NBDY: variants seen among roughly 807,000 people sequenced by gnomAD.
The protein encoded by NBDY is negative regulator of P-body association, also known as P-body dissociating protein.
intron 2 of NBDY, among the ~76,000 whole-genome samples, chrX:56,804,932 A>G (rs1361443102): frequency 3.6e-5 from 4 of 112,079 alleles, no homozygotes; most frequent in African/African-American, 1.3e-4. Context: ...GAATATTGCA[A>G]ATGTTTTCTT....
At chrX:56,764,702 C>CAAAAAAAAAAAAAA (rs10623590) in intron 2 of NBDY, among the ~76,000 whole-genome samples, 6 of 60,796 alleles carry the variant, frequency 9.9e-5, no homozygotes, top group African/African-American at 1.7e-4. Flanking sequence ...AAACAAACAC[C>CAAAAAAAAAAAAAA]AAAAAAAAAA....
Position 56,740,596 on chromosome X carries a change from A to G in NBDY, c.*166+8397A>G, listed in dbSNP as rs368710886. Among the ~76,000 whole-genome samples, 5 of 111,628 alleles carry G rather than the reference A, an allele frequency of 4.5e-5. No individual in the cohort carries two copies. In the East Asian group the frequency reaches 1.4e-3, roughly 31 times the overall value. ...TTGTCAAATTCTTACACTTTTGACA[A>G]TTTTTGCTTTGTATACTTGAGGCAT... On this transcript the variant is annotated intron_variant, in intron 2 of 2. Transcript: ENST00000374922.
chrX:56,765,401 A>G (rs886366939), intron 2 of NBDY, among the ~76,000 whole-genome samples: 4 of 112,450 alleles, frequency 3.6e-5, no homozygotes, highest in Non-Finnish European at 5.6e-5. Flanking sequence ...CTTCAGGGCA[A>G]GGTTCAGCCA....
chrX:56,766,453 C>T (rs760440666), intron 2 of NBDY, among the ~76,000 whole-genome samples: 59 of 111,790 alleles, frequency 5.3e-4, no homozygotes, highest in Non-Finnish European at 8.3e-4. Context: ...CAGACAAAAA[C>T]ACGCTTACAC....
intron 2 of NBDY, among the ~76,000 whole-genome samples, chrX:56,811,775 G>T (rs182567517): frequency 1.8e-5 from 2 of 111,608 alleles, no homozygotes; most frequent in Middle Eastern, 4.6e-3. Flanking sequence ...GGTTTTGTCT[G>T]GCTGGACTTC....
intron 2 of NBDY, among the ~76,000 whole-genome samples, chrX:56,789,418 A>G (rs1312422720): frequency 8.9e-6 from 1 of 112,048 alleles, no homozygotes; most frequent in African/African-American, 3.3e-5. Context: ...GTGGGCCTGC[A>G]TGCAGGCCAC....
chrX:56,785,319 G>C (rs1264866346), intron 2 of NBDY, among the ~76,000 whole-genome samples: 1 of 111,277 alleles, frequency 9.0e-6, no homozygotes, highest in Admixed American at 9.5e-5. Flanking sequence ...TGTGTCTTTG[G>C]GGTGGCATTG....
chrX:56,792,839 G>A (rs1159126722), intron 2 of NBDY, among the ~76,000 whole-genome samples: 3 of 111,589 alleles, frequency 2.7e-5, no homozygotes, highest in Non-Finnish European at 3.8e-5. Flanking sequence ...AATGTGGGAA[G>A]TCTGTTATCA....
intron 2 of NBDY, among the ~76,000 whole-genome samples, chrX:56,736,414 G>A (rs755572831): frequency 5.4e-5 from 6 of 111,455 alleles, no homozygotes; most frequent in South Asian, 3.8e-4. Flanking sequence ...ACCGGTGCCC[G>A]CCACCATGCC....
At chrX:56,793,101 A>T (rs1162789130) in intron 2 of NBDY, among the ~76,000 whole-genome samples, 1 of 111,844 alleles carries the variant, frequency 8.9e-6, no homozygotes, top group Non-Finnish European at 1.9e-5. Flanking sequence ...GTCCCCCGTG[A>T]GGGAGACTCC....
chrX:56,765,049 C>G (rs888350904), intron 2 of NBDY, among the ~76,000 whole-genome samples: 7 of 112,419 alleles, frequency 6.2e-5, no homozygotes, highest in Non-Finnish European at 1.3e-4. Context: ...GAGTTTTTCT[C>G]CCTTCACTTT....
Position 56,751,649 on chromosome X carries a change from GC to G in NBDY, c.*166+19451del, listed in dbSNP as rs781608166. On this transcript the variant is annotated intron_variant, in intron 2 of 2. Coordinates refer to ENST00000374922, the MANE Select transcript of NBDY (RefSeq NM_001348129.2). ...TAAAACACTTCCAATACCCTAGAAA[GC>G]ACATTTGTGTCCTTTTCAAGTTAAC... is the stretch of plus-strand genomic sequence containing the variant. Among the ~76,000 whole-genome samples the G allele has an allele frequency of 4.5e-5, 5 of 112,004 alleles. No individual in the cohort carries two copies. In the East Asian group the frequency reaches 1.4e-3, roughly 31 times the overall value.
intron 2 of NBDY, among the ~76,000 whole-genome samples, chrX:56,793,793 G>T (rs1490148232): frequency 9.0e-6 from 1 of 110,803 alleles, no homozygotes. Flanking sequence ...AGGGCAGTCA[G>T]GCCGGCTGTG....
At chrX:56,808,151 C>T (rs751953581) in intron 2 of NBDY, among the ~76,000 whole-genome samples, 147 of 112,100 alleles carry the variant, frequency 1.3e-3, no homozygotes, top group Non-Finnish European at 2.3e-3. Context: ...AGCCTTGCAT[C>T]CCAGGGATGA....
At chrX:56,739,442 G>T (rs2069520978) in intron 2 of NBDY, among the ~76,000 whole-genome samples, 1 of 106,079 alleles carries the variant, frequency 9.4e-6, no homozygotes, top group African/African-American at 3.4e-5. Context: ...GAAATAACAA[G>T]AGATTTGGGA....
At chrX:56,802,864 G>T (rs996754239) in intron 2 of NBDY, among the ~76,000 whole-genome samples, 1 of 112,791 alleles carries the variant, frequency 8.9e-6, no homozygotes, top group African/African-American at 3.2e-5. Flanking sequence ...GTCCTAGGTC[G>T]TAGGGTCCCT....
At chrX:56,789,466 C>A (rs2069749145) in intron 2 of NBDY, among the ~76,000 whole-genome samples, 1 of 112,367 alleles carries the variant, frequency 8.9e-6, no homozygotes, top group Non-Finnish European at 1.9e-5. Context: ...GTCCCCAAAG[C>A]AAGAGACCAG....
At position 56,764,702 on chromosome X, in the gene NBDY, C is replaced by CAAAAAAA. The variant is rs10623590; in HGVS notation, c.*166+32517_*166+32523dup. Among the ~76,000 whole-genome samples the CAAAAAAA allele has an allele frequency of 5.9e-4, 36 of 60,777 alleles. 2 individuals carry two copies. The East Asian group carries it at 1.0e-2, about 17-fold the overall frequency. The allele number at this position is 60,777 out of a possible 115,157, so 52.8% of individuals were successfully genotyped here. A position where few individuals can be genotyped will look rare whatever the true frequency, so the allele number is the denominator to read the frequency against. On this transcript the variant is annotated intron_variant, in intron 2 of 2. Coordinates refer to ENST00000374922, the MANE Select transcript of NBDY (RefSeq NM_001348129.2). ...TGGTGCCAAAAACCAAAACAAACAC[C>CAAAAAAA]AAAAAAAAAAAAAAAAAAAAGAAAC...
chrX:56,781,779 C>T (rs1416407437), intron 2 of NBDY, among the ~76,000 whole-genome samples: 1 of 112,074 alleles, frequency 8.9e-6, no homozygotes, highest in East Asian at 2.8e-4. Context: ...CTGAACCCTG[C>T]GAGGAGAAGT....
Sources: allele counts gnomAD v4.1 joint callset (sites outside exome capture counted in the v4.1 genomes callset), GRCh38; gene constraint gnomAD v4.1.1; transcripts MANE v1.5; gene names NCBI Gene and HGNC (gene_info 2026-07-23, HGNC 2026-07-21).